Variants in CLTCL1 observed in about 807,000 individuals in gnomAD.
CLTCL1 encodes clathrin heavy chain like 1, also known as clathrin heavy chain 2.
In CLTCL1, 159 loss-of-function variants were observed where a neutral mutation model predicts 190.0. The observed-to-expected ratio is 0.84, with a 90% confidence interval of 0.74 to 0.95. CLTCL1 has a LOEUF of 0.95. CLTCL1 is among the 40% of genes least tolerant of loss of function. CLTCL1 has a pLI of 0.00. For synonymous variants in CLTCL1, 752 were observed against 769.6 expected, an observed-to-expected ratio of 0.98 and a Z score of 0.38; for missense variants, 1,878 against 2,033.4, an observed-to-expected ratio of 0.92 and a Z score of 1.47.
At chr22:19,269,501 CA>C (rs1569243697) in intron 2 of CLTCL1, among the ~76,000 whole-genome samples, 1 of 152,182 alleles carries the variant, frequency 6.6e-6, no homozygotes, top group African/African-American at 2.4e-5. Context: ...ATGTTTATTG[CA>C]GCACTATTTA....
chr22:19,258,594 G>A (rs1460615287), intron 2 of CLTCL1: 2 of 615,874 alleles, frequency 3.2e-6, no homozygotes, highest in Non-Finnish European at 6.1e-6. Flanking sequence ...ACAGCGCCAG[G>A]CCCAGGAGTA....
chr22:19,269,117 A>C (rs2146238534), intron 2 of CLTCL1, among the ~76,000 whole-genome samples: 1 of 151,734 alleles, frequency 6.6e-6, no homozygotes, highest in East Asian at 1.9e-4. Flanking sequence ...AAAAAAGCTA[A>C]ACAGGCCGGT....
At chr22:19,259,467 C>A (rs1029491920) in intron 2 of CLTCL1, among the ~76,000 whole-genome samples, 1 of 152,078 alleles carries the variant, frequency 6.6e-6, no homozygotes, top group South Asian at 2.1e-4. Flanking sequence ...CTATTGGTAT[C>A]ATTTTTCCAA....
intron 2 of CLTCL1, among the ~76,000 whole-genome samples, chr22:19,256,354 C>CTTTTTTTT (rs1239133099): frequency 6.9e-4 from 72 of 104,334 alleles, no homozygotes; most frequent in Non-Finnish European, 9.2e-4. Flanking sequence ...TTTCTTTTAT[C>CTTTTTTTT]TTTTTTTTTT....
At chr22:19,230,685 A>G (rs1284419978) in intron 10 of CLTCL1, among the ~76,000 whole-genome samples, 1 of 152,046 alleles carries the variant, frequency 6.6e-6, no homozygotes, top group Non-Finnish European at 1.5e-5. Context: ...CTTTTATAAC[A>G]TATGAACCCC....
intron 30 of CLTCL1, 122 bp downstream of exon 30, chr22:19,183,268 C>T (rs2084200463): frequency 2.5e-6 from 2 of 786,254 alleles, no homozygotes; most frequent in Non-Finnish European, 4.1e-6. Context: ...GCAGCCAGGG[C>T]TGGCTGGGGA....
intron 4 of CLTCL1, among the ~76,000 whole-genome samples, chr22:19,241,138 C>T (rs2086241069): frequency 6.6e-6 from 1 of 152,232 alleles, no homozygotes; most frequent in Non-Finnish European, 1.5e-5. Flanking sequence ...TCACAGAAGA[C>T]CTCCTGGTCC....
chr22:19,196,049 A>G (rs782639977), intron 26 of CLTCL1, among the ~76,000 whole-genome samples: 6 of 152,060 alleles, frequency 3.9e-5, no homozygotes, highest in South Asian at 2.1e-4. Context: ...TCAGCTGTGC[A>G]TCGCTAGACG....
intron 2 of CLTCL1, among the ~76,000 whole-genome samples, chr22:19,270,405 T>C (rs2087270074): frequency 6.6e-6 from 1 of 151,812 alleles, no homozygotes; most frequent in South Asian, 2.1e-4. Context: ...ATTCCACAAC[T>C]CTATGAATTC....
At chr22:19,271,412 C>A (rs189864396) in intron 2 of CLTCL1, among the ~76,000 whole-genome samples, 1 of 152,224 alleles carries the variant, frequency 6.6e-6, no homozygotes, top group Admixed American at 6.5e-5. Flanking sequence ...TCTGGACACA[C>A]TGCCTGTGGG....
intron 2 of CLTCL1, among the ~76,000 whole-genome samples, chr22:19,260,085 G>C (rs1180738973): frequency 3.3e-5 from 5 of 152,208 alleles, no homozygotes; most frequent in African/African-American, 1.2e-4. Flanking sequence ...CTAATCCACA[G>C]CAAGGCCCTA....
At chr22:19,268,591 A>G (rs1555978978) in intron 2 of CLTCL1, among the ~76,000 whole-genome samples, 3 of 152,178 alleles carry the variant, frequency 2.0e-5, no homozygotes. Flanking sequence ...AATCATATTT[A>G]AAAATAAAAG....
Position 19,242,920 on chromosome 22 carries a change from C to T in CLTCL1, c.536G>A (p.Gly179Glu). ...ATCCACAGAGTAGAGCTGCATTGCT[C>T]CAACCACACGGTTTTGCTAAGAAAA... Reference protein sequence around the residue: ...GISAQQNRVVGAMQLYSVDRK... With the variant: ...GISAQQNRVVEAMQLYSVDRK... Residue 179 changes from glycine to glutamate, a missense_variant, in exon 4 of 33, where the codon GGA becomes GAA. By Grantham distance (98) the Gly-to-Glu change is moderately conservative (BLOSUM62 -2). Transcript: ENST00000427926. 1 of 1,613,548 alleles carries T rather than the reference C, an allele frequency of 6.2e-7. No homozygotes were observed. The highest frequency in any genetic ancestry group is 8.5e-7 in the Non-Finnish European group (1 of 1,179,754).
intron 2 of CLTCL1, among the ~76,000 whole-genome samples, chr22:19,262,250 TCTCTTGAC>T (rs2086973042): frequency 6.6e-6 from 1 of 151,446 alleles, no homozygotes; most frequent in African/African-American, 2.4e-5. Flanking sequence ...ATGGTCTCGA[TCTCTTGAC>T]CTCATGATCT....
At chr22:19,186,893 G>A (rs566099723) in intron 29 of CLTCL1, among the ~76,000 whole-genome samples, 8 of 151,366 alleles carry the variant, frequency 5.3e-5, no homozygotes, top group South Asian at 4.2e-4. Flanking sequence ...GAGCCACCAC[G>A]TCCAGCCTTT....
At position 19,187,591 on chromosome 22, in the gene CLTCL1, G is replaced by A. The variant is rs782236800; in HGVS notation, c.4572C>T (p.Ser1524=). The change falls in exon 29 of 33, where the codon AGC becomes AGT. Residue 1524 remains serine (S), a synonymous_variant. Transcript: ENST00000427926. Reference sequence around the variant, plus strand: ...GATGATCCTTCTTGCAGAGCTCCACGCTCTGGGCCCACCAGTTATTGCCCT... The same window carrying A: ...GATGATCCTTCTTGCAGAGCTCCACACTCTGGGCCCACCAGTTATTGCCCT... ...LYKGNNWWAQ[S]VELCKKDHLY... The A allele has an allele frequency of 2.2e-5, 36 of 1,612,888 alleles. 1 individual carries two copies. The highest frequency in any genetic ancestry group is 5.0e-5 in the Admixed American group (3 of 59,996).
At chr22:19,258,369 C>T in intron 2 of CLTCL1, 1 of 401,272 alleles carries the variant, frequency 2.5e-6, no homozygotes. Context: ...GGTCATCACG[C>T]AGTCCACCGA....
At position 19,242,900 on chromosome 22, in the gene CLTCL1, CA is replaced by C. The variant is rs1555966202; in HGVS notation, c.555del (p.Val186TrpfsTer9). ...ATGGGTTGTGAAACCTTCCTATCCA[CA>C]GAGTAGAGCTGCATTGCTCCAACCA... ...NRVVGAMQLY[S>X]VDRKVSQPIE... On this transcript the variant is annotated frameshift_variant, in exon 4 of 33. Coordinates refer to ENST00000427926, the MANE Select transcript of CLTCL1 (RefSeq NM_007098.4). LOFTEE classifies it high-confidence loss of function. The C allele has an allele frequency of 1.9e-6, 3 of 1,613,876 alleles. No homozygotes were observed. In the South Asian group the frequency reaches 3.3e-5, roughly 18 times the overall value.
chr22:19,236,058 C>A (rs782490787), intron 5 of CLTCL1, among the ~76,000 whole-genome samples, 189 bp from the exon 6 acceptor site: 1 of 152,174 alleles, frequency 6.6e-6, no homozygotes, highest in Non-Finnish European at 1.5e-5. Context: ...CCTCTGGGCT[C>A]AGGTGATCCT....
Sources: gnomAD v4.1 joint callset for allele counts (sites outside exome capture counted in the v4.1 genomes callset) on GRCh38, gnomAD v4.1.1 for gene constraint, MANE v1.5 for transcripts, NCBI Gene and HGNC (gene_info 2026-07-23, HGNC 2026-07-21) for gene names.